Variants in SMAD2 observed in about 807,000 individuals in gnomAD.
SMAD2 encodes the protein SMAD family member 2, also known as MAD homolog 2.
SMAD2 carries 8 observed loss-of-function variants against 64.4 expected under a neutral mutation model. That is an observed-to-expected ratio of 0.12 (90% CI 0.07 to 0.22). The LOEUF (loss-of-function observed/expected upper bound fraction) is 0.22. Among genes scored for constraint, SMAD2 ranks in the 10% least tolerant of loss-of-function variants. The probability of loss-of-function intolerance (pLI) is 1.00; values close to 1 mark genes in which losing one functional copy is unlikely to be tolerated. For synonymous variants in SMAD2, 203 were observed against 195.8 expected (o/e 1.04, Z -0.31); for missense variants, 289 against 561.2 (o/e 0.51, Z 4.90).
At position 47,895,562 on chromosome 18, in the gene SMAD2, A is replaced by C. The variant is rs1203112800; in HGVS notation, c.236+959T>G. ...TAGAAACAGTGCCTTCTACATAGCA[A>C]ACACTCAATAAGCATTTGTAAAACA... On this transcript the variant is annotated intron_variant, in intron 2 of 10. Transcript: ENST00000262160. 5 of 152,232 alleles carry C rather than the reference A, an allele frequency of 3.3e-5. No individual in the cohort carries two copies. In the East Asian group the frequency reaches 9.6e-4, roughly 29 times the overall value. 9.4% of individuals were successfully genotyped at this position (152,232 alleles called of 1,614,324 possible). A position where few individuals can be genotyped will look rare whatever the true frequency, so the allele number is the denominator to read the frequency against.
intron 2 of SMAD2, among the ~76,000 whole-genome samples, chr18:47,882,040 G>GTTTTTTTTTTTTTT (rs1568078973): frequency 2.7e-5 from 1 of 37,326 alleles, no homozygotes; most frequent in Non-Finnish European, 5.6e-5. Flanking sequence ...ACCACGCTTG[G>GTTTTTTTTTTTTTT]CTTTTTTTTT....
intron 6 of SMAD2, among the ~76,000 whole-genome samples, chr18:47,856,855 T>C (rs1206938614): frequency 2.1e-5 from 1 of 47,242 alleles, no homozygotes; most frequent in East Asian, 5.7e-4. Flanking sequence ...ACTATGCTAA[T>C]TTTTTTTTTT....
chr18:47,834,365 T>C lies in SMAD2; in HGVS notation c.*7462A>G, dbSNP rs892393747. ...TTTGGGCAGTGGTTAAGGCCTCTGA[T>C]GTGCTACTTATCAGAAAAATCCACA... On this transcript the variant is annotated 3_prime_UTR_variant, in exon 11 of 11. Transcript: ENST00000262160. The C allele has an allele frequency of 4.8e-6, 1 of 208,112 alleles. No homozygotes were observed. The highest frequency in any genetic ancestry group is 9.8e-6 in the Non-Finnish European group (1 of 102,170). The allele number at this position is 208,112 out of a possible 1,614,324, so 12.9% of individuals were successfully genotyped here.
At position 47,891,814 on chromosome 18, in the gene SMAD2, CATAA is replaced by C. The variant is rs1334450806; in HGVS notation, c.236+4703_236+4706del. 4.6e-5 allele frequency among the ~76,000 whole-genome samples: 7 copies of C among 151,738 alleles called. No individual in the cohort carries two copies. The East Asian group carries it at 1.4e-3, about 29-fold the overall frequency. ...AGAAAAAAGACAAGAATAGTCTTGT[CATAA>C]ATAGACACGAATTAAATTGCCCAAA... On this transcript the variant is annotated intron_variant, in intron 2 of 10. Transcript: ENST00000262160.
chr18:47,894,452 C>A (rs1303900423), intron 2 of SMAD2, among the ~76,000 whole-genome samples: 1 of 152,174 alleles, frequency 6.6e-6, no homozygotes, highest in Non-Finnish European at 1.5e-5. Flanking sequence ...TCCTTACTAC[C>A]TATACACACT....
chr18:47,896,772 A>G lies in SMAD2; in HGVS notation c.-16T>C. On this transcript the variant is annotated 5_prime_UTR_variant, in exon 2 of 11. Transcript: ENST00000262160. ...TGGACGACATGTTCTTACCAAAGGCAGCAAGCCACGCTAGGAAAACAGCCT... is the reference window on the plus strand; with the variant it reads ...TGGACGACATGTTCTTACCAAAGGCGGCAAGCCACGCTAGGAAAACAGCCT... 1.9e-6 allele frequency: 3 copies of G among 1,612,268 alleles called. No homozygotes were observed. Among genetic ancestry groups the G allele is most frequent in the Non-Finnish European group, 2.5e-6 (3 of 1,179,198 alleles).
intron 6 of SMAD2, among the ~76,000 whole-genome samples, chr18:47,856,088 C>T (rs2030651628): frequency 6.6e-6 from 1 of 151,252 alleles, no homozygotes; most frequent in Non-Finnish European, 1.5e-5. Flanking sequence ...AGACATTATG[C>T]CAAGGAAATT....
At chr18:47,900,125 T>C (rs899066868) in intron 1 of SMAD2, among the ~76,000 whole-genome samples, 5 of 152,144 alleles carry the variant, frequency 3.3e-5, no homozygotes, top group African/African-American at 9.7e-5. Flanking sequence ...TCTAATGACA[T>C]TTTAAAAAGG....
chr18:47,851,340 G>C lies in SMAD2; in HGVS notation c.731-13C>G. On this transcript the variant is annotated splice_polypyrimidine_tract_variant and intron_variant, in intron 6 of 10. Transcript: ENST00000262160. ...TCTGCTGGAGAGCCTAAAACAAAAG[G>C]ATTTAAAAATAAATGAAGTATTTCC... 6.3e-7 allele frequency: 1 copy of C among 1,583,582 alleles called. No individual in the cohort carries two copies. The highest frequency in any genetic ancestry group is 1.1e-5 in the South Asian group (1 of 90,412).
At position 47,845,260 on chromosome 18, in the gene SMAD2, A is replaced by T. The variant is rs756599184; in HGVS notation, c.1280+80T>A. 2.2e-6 allele frequency: 3 copies of T among 1,361,842 alleles called. No homozygotes were observed. In the East Asian group the frequency reaches 6.9e-5, roughly 31 times the overall value. 84.4% of individuals were successfully genotyped at this position (1,361,842 alleles called of 1,614,324 possible). A position where few individuals can be genotyped will look rare whatever the true frequency, so the allele number is the denominator to read the frequency against. On this transcript the variant is annotated intron_variant, in intron 10 of 10. Coordinates refer to ENST00000262160, the MANE Select transcript of SMAD2 (RefSeq NM_005901.6). ...TATAACCTCATTGAAAATAGATACA[A>T]ATGAACTCCAGAATATGCAAGAATG...
intron 2 of SMAD2, among the ~76,000 whole-genome samples, chr18:47,883,400 T>G (rs1038394129): frequency 6.6e-6 from 1 of 152,246 alleles, no homozygotes; most frequent in Non-Finnish European, 1.5e-5. Flanking sequence ...ACTTGTGCCC[T>G]GTAAACAGTC....
intron 2 of SMAD2, among the ~76,000 whole-genome samples, chr18:47,885,236 C>T (rs1486058881): frequency 6.6e-6 from 1 of 151,668 alleles, no homozygotes; most frequent in Non-Finnish European, 1.5e-5. Flanking sequence ...AGTGCAGTGG[C>T]ACAATCTTGG....
chr18:47,875,462 A>G lies in SMAD2; in HGVS notation c.237-4898T>C, dbSNP rs554661618. ...ATAACATCCTAAATAACACTGGGGA[A>G]AAACTGTATCTCCCAGGTTTTCATT... On this transcript the variant is annotated intron_variant, in intron 2 of 10. Coordinates refer to ENST00000262160, the MANE Select transcript of SMAD2 (RefSeq NM_005901.6). Among the ~76,000 whole-genome samples, 5 of 152,280 alleles carry G rather than the reference A, an allele frequency of 3.3e-5. No individual in the cohort carries two copies. The South Asian group carries it at 1.0e-3, about 32-fold the overall frequency.
In SMAD2 at chr18:47,818,428, T is replaced by A. The variant is rs1912446591; in HGVS notation, c.*23399A>T. On this transcript the variant is annotated 3_prime_UTR_variant, in exon 11 of 11. Coordinates refer to ENST00000262160, the MANE Select transcript of SMAD2 (RefSeq NM_005901.6). ...AGAACTAGATAAATACGTATAAAAA[T>A]TAGGCTCTCAAACAGGTCAAAATCT... 1 of 152,164 alleles carries A rather than the reference T, an allele frequency of 6.6e-6. No individual in the cohort carries two copies. The highest frequency in any genetic ancestry group is 6.5e-5 in the Admixed American group (1 of 15,276). The allele number at this position is 152,164 out of a possible 1,614,324, so 9.4% of individuals were successfully genotyped here.
chr18:47,918,961 G>C (rs772896191), intron 1 of SMAD2, among the ~76,000 whole-genome samples: 15 of 152,016 alleles, frequency 9.9e-5, no homozygotes, highest in Non-Finnish European at 1.9e-4. Context: ...ACTGAAAGAT[G>C]GGAGTTTCTA....
At chr18:47,923,055 A>T (rs995149526) in intron 1 of SMAD2, among the ~76,000 whole-genome samples, 2 of 147,876 alleles carry the variant, frequency 1.4e-5, no homozygotes, top group African/African-American at 2.5e-5. Context: ...GAGACTACTT[A>T]TTTTTTTTTT....
At chr18:47,890,649 C>A (rs901248667) in intron 2 of SMAD2, among the ~76,000 whole-genome samples, 1 of 152,114 alleles carries the variant, frequency 6.6e-6, no homozygotes, top group Non-Finnish European at 1.5e-5. Context: ...AGTCATATTC[C>A]CTAGGATCTA....
At chr18:47,916,597 G>A (rs2034346445) in intron 1 of SMAD2, among the ~76,000 whole-genome samples, 1 of 152,072 alleles carries the variant, frequency 6.6e-6, no homozygotes, top group Non-Finnish European at 1.5e-5. Context: ...TAGAGATAGG[G>A]CTTCACCATG....
intron 9 of SMAD2, 83 bp downstream of exon 9, chr18:47,845,580 T>A (rs2144289185): frequency 1.3e-6 from 2 of 1,568,342 alleles, no homozygotes; most frequent in East Asian, 2.2e-5. Context: ...GAGCATGCAA[T>A]CATCTACTGA....
Sources: allele counts gnomAD v4.1 joint callset (sites outside exome capture counted in the v4.1 genomes callset), GRCh38; gene constraint gnomAD v4.1.1; transcripts MANE v1.5; gene names NCBI Gene and HGNC (gene_info 2026-07-23, HGNC 2026-07-21).